Variants in CHD7 observed in about 807,000 individuals in gnomAD.
CHD7 encodes ATP-dependent chromatin remodeler CHD7.
In CHD7, 24 loss-of-function variants were observed where a neutral mutation model predicts 307.3. The ratio of observed to expected loss-of-function variants is 0.08; its 90% CI spans 0.06 to 0.11. The LOEUF (loss-of-function observed/expected upper bound fraction) is 0.11. Ranked by LOEUF, CHD7 falls within the 10% of genes least tolerant of loss-of-function variation. The pLI is 1.00. For synonymous variants in CHD7, 1,363 were observed against 1,349.9 expected (o/e 1.01, Z -0.21); for missense variants, 3,106 against 3,727.1 (o/e 0.83, Z 4.34).
intron 2 of CHD7, among the ~76,000 whole-genome samples, chr8:60,776,771 T>C (rs1469106600): frequency 6.6e-6 from 1 of 152,262 alleles, no homozygotes; most frequent in Non-Finnish European, 1.5e-5. Flanking sequence ...CACACTCTTC[T>C]GGCTGAAGAT....
intron 1 of CHD7, among the ~76,000 whole-genome samples, chr8:60,725,768 G>A (rs889168270): frequency 2.6e-5 from 4 of 152,184 alleles, no homozygotes; most frequent in African/African-American, 9.7e-5. Flanking sequence ...AAAGGGTAGT[G>A]AGAGATTTCA....
chr8:60,712,884 C>A (rs952041235), intron 1 of CHD7, among the ~76,000 whole-genome samples: 7 of 151,720 alleles, frequency 4.6e-5, no homozygotes, highest in Non-Finnish European at 8.8e-5. Context: ...ACTCCTTCTC[C>A]ACTAAAAATA....
At chr8:60,713,944 TTTTC>T (rs1231182287) in intron 1 of CHD7, among the ~76,000 whole-genome samples, 3 of 152,202 alleles carry the variant, frequency 2.0e-5, no homozygotes, top group Non-Finnish European at 1.5e-5. Flanking sequence ...CCAATCCCCG[TTTTC>T]TTTCTTTGTA....
intron 22 of CHD7, 63 bp from the exon 23 acceptor site, chr8:60,845,187 C>CAATGACACTATAATATAG: frequency 6.4e-7 from 1 of 1,573,774 alleles, no homozygotes; most frequent in Non-Finnish European, 8.6e-7. Context: ...ATTAAGCTCT[C>CAATGACACTATAATATAG]TGCCATTGAC....
chr8:60,760,360 TTAAACGTTAGACCTA>T (rs1227064926), intron 2 of CHD7, among the ~76,000 whole-genome samples: 1 of 149,990 alleles, frequency 6.7e-6, no homozygotes, highest in Admixed American at 6.7e-5. Context: ...GATTAAAGAC[TTAAACGTTAGACCTA>T]AAACCATAAA....
At chr8:60,858,945 G>A (rs1228022610) in intron 34 of CHD7, among the ~76,000 whole-genome samples, 3 of 152,136 alleles carry the variant, frequency 2.0e-5, no homozygotes, top group Non-Finnish European at 4.4e-5. Flanking sequence ...CAGGTGTTAG[G>A]AATTAATAAT....
Position 60,734,609 on chromosome 8 carries a change from G to A in CHD7, c.-174-6650G>A, listed in dbSNP as rs1444925197. Among the ~76,000 whole-genome samples the A allele has an allele frequency of 2.0e-5, 3 of 152,184 alleles. No homozygotes were observed. The South Asian group carries it at 6.2e-4, about 32-fold the overall frequency. ...GCCTCTACAGTGAGGGGATAAGGAGGCCAGGGAAGAGACCATGGGTGTGAA... is the reference window on the plus strand; with the variant it reads ...GCCTCTACAGTGAGGGGATAAGGAGACCAGGGAAGAGACCATGGGTGTGAA... On this transcript the variant is annotated intron_variant, in intron 1 of 37. Coordinates refer to ENST00000423902, the MANE Select transcript of CHD7 (RefSeq NM_017780.4).
At chr8:60,746,700 C>A (rs1212593132) in intron 2 of CHD7, among the ~76,000 whole-genome samples, 1 of 152,088 alleles carries the variant, frequency 6.6e-6, no homozygotes, top group African/African-American at 2.4e-5. Context: ...TTATGGAACA[C>A]ATTTAAGTAT....
intron 21 of CHD7, among the ~76,000 whole-genome samples, chr8:60,842,616 G>T (rs1478515639): frequency 6.6e-6 from 1 of 152,100 alleles, no homozygotes; most frequent in African/African-American, 2.4e-5. Flanking sequence ...ACTTTGAATG[G>T]CAGGGTGCTC....
At position 60,865,457 on chromosome 8, in the gene CHD7, A is replaced by C. The variant is rs1231667845; in HGVS notation, c.8518A>C (p.Thr2840Pro). Reference protein sequence around the residue: ...ASSQGEPEDSTSKGEEKGNEN... With the variant: ...ASSQGEPEDSPSKGEEKGNEN... ...TAGTCAAGGAGAACCGGAAGACAGCACTTCAAAAGGAGAGGAGAAAGGAAA... is the reference window on the plus strand; with the variant it reads ...TAGTCAAGGAGAACCGGAAGACAGCCCTTCAAAAGGAGAGGAGAAAGGAAA... The change falls in exon 38 of 38, where the codon ACT becomes CCT. Residue 2840 changes from threonine (T) to proline (P), a missense_variant. This residue lies in a region of CHD7 where 351 missense variants were observed against 366.2 expected (regional missense o/e 0.96). Transcript: ENST00000423902. The surrounding 1 kb of genome is among the most constrained non-coding windows in gnomAD (Gnocchi z 4.3). The C allele has an allele frequency of 6.2e-7, 1 of 1,614,068 alleles. No individual in the cohort carries two copies. The highest frequency in any genetic ancestry group is 2.2e-5 in the East Asian group (1 of 44,882).
intron 26 of CHD7, 194 bp downstream of exon 26, chr8:60,850,816 G>A (rs1805419003): frequency 9.5e-6 from 7 of 738,454 alleles, no homozygotes; most frequent in Non-Finnish European, 2.2e-6. Context: ...TCTGAAACTT[G>A]TTTTTCTTTT....
intron 1 of CHD7, among the ~76,000 whole-genome samples, chr8:60,717,285 A>C (rs373830587): frequency 2.0e-5 from 3 of 152,324 alleles, no homozygotes; most frequent in African/African-American, 7.2e-5. Flanking sequence ...TTTTCCATTT[A>C]GTTATACTTG....
chr8:60,796,293 A>T (rs866945698), intron 4 of CHD7, among the ~76,000 whole-genome samples: 4 of 152,326 alleles, frequency 2.6e-5, no homozygotes, highest in Non-Finnish European at 4.4e-5. Flanking sequence ...AGGTAAGTAG[A>T]TATCATTTTT....
chr8:60,714,020 C>T (rs1157932036), intron 1 of CHD7, among the ~76,000 whole-genome samples: 5 of 151,936 alleles, frequency 3.3e-5, no homozygotes, highest in African/African-American at 1.2e-4. Context: ...GGCATGCCTT[C>T]ATTCCAAAAC....
chr8:60,729,543 C>T (rs556325510), intron 1 of CHD7, among the ~76,000 whole-genome samples: 26 of 152,118 alleles, frequency 1.7e-4, no homozygotes, highest in Non-Finnish European at 3.4e-4. Flanking sequence ...ATTTTATTAT[C>T]AGCTGATTTA....
rs1321780295 is a variant in CHD7, at chr8:60,855,958, T to C, written c.6937-17T>C. ...GGGCTTTGTTAAAATTTCTTGTGACTTTTCTTCTCCCTCCAGGATAGAGTA... is the reference window on the plus strand; with the variant it reads ...GGGCTTTGTTAAAATTTCTTGTGACCTTTCTTCTCCCTCCAGGATAGAGTA... On this transcript the variant is annotated splice_polypyrimidine_tract_variant and intron_variant, in intron 32 of 37. Coordinates refer to ENST00000423902, the MANE Select transcript of CHD7 (RefSeq NM_017780.4). The C allele has an allele frequency of 6.4e-7, 1 of 1,555,658 alleles. No homozygotes were observed. The highest frequency in any genetic ancestry group is 1.8e-5 in the Admixed American group (1 of 55,136).
chr8:60,707,373 G>T (rs965009970), intron 1 of CHD7, among the ~76,000 whole-genome samples: 1 of 152,202 alleles, frequency 6.6e-6, no homozygotes, highest in Non-Finnish European at 1.5e-5. Flanking sequence ...TGCTTTCCCT[G>T]AGTGCTCTTC....
chr8:60,833,303 T>C (rs1386694026), intron 15 of CHD7, among the ~76,000 whole-genome samples: 1 of 152,206 alleles, frequency 6.6e-6, no homozygotes. Context: ...CAAGCTTTAT[T>C]TCAATGGAAT....
chr8:60,806,286 C>CA (rs760717894), intron 6 of CHD7, among the ~76,000 whole-genome samples: 19 of 152,036 alleles, frequency 1.2e-4, no homozygotes, highest in East Asian at 1.2e-3. Flanking sequence ...TGGCGTGAAC[C>CA]TGCGAGGCAG....
Sources: gnomAD v4.1 joint callset for allele counts (sites outside exome capture counted in the v4.1 genomes callset) on GRCh38, gnomAD v4.1.1 for gene constraint, gnomAD v4.1.1 regional missense constraint, Gnocchi (gnomAD v3.1) non-coding constraint, MANE v1.5 for transcripts, NCBI Gene and HGNC (gene_info 2026-07-23, HGNC 2026-07-21) for gene names.